CDK19: variants seen among roughly 807,000 people sequenced by gnomAD.
The protein encoded by CDK19 is cyclin-dependent kinase 19.
CDK19 carries 20 observed loss-of-function variants against 68.3 expected under a neutral mutation model. The ratio of observed to expected loss-of-function variants is 0.29; its 90% CI spans 0.21 to 0.43. The LOEUF (loss-of-function observed/expected upper bound fraction) is 0.43. Among genes scored for constraint, CDK19 ranks in the 20% least tolerant of loss-of-function variants. CDK19 has a pLI of 1.00. For synonymous variants in CDK19, 221 were observed against 222.8 expected (o/e 0.99, Z 0.07); for missense variants, 339 against 623.5 (o/e 0.54, Z 4.86).
chr6:110,719,550 T>G (rs1253488594), intron 2 of CDK19, among the ~76,000 whole-genome samples: 1 of 151,966 alleles, frequency 6.6e-6, no homozygotes. Context: ...AATCTAAACA[T>G]ATGAATAAAT....
At chr6:110,763,530 C>T (rs35018670) in intron 1 of CDK19, among the ~76,000 whole-genome samples, 1 of 151,788 alleles carries the variant, frequency 6.6e-6, no homozygotes, top group Non-Finnish European at 1.5e-5. Flanking sequence ...ATTCTCCTGC[C>T]TCAGCCTCCC....
rs1783543239 is a variant in CDK19 at position 110,815,252 on chromosome 6, C to G, written c.-116G>C. The G allele has an allele frequency of 5.9e-6, 7 of 1,186,718 alleles. No homozygotes were observed. The highest frequency in any genetic ancestry group is 3.2e-4 in the Middle Eastern group (1 of 3,130). The allele number at this position is 1,186,718 out of a possible 1,614,324, so 73.5% of individuals were successfully genotyped here. On this transcript the variant is annotated 5_prime_UTR_variant, in exon 1 of 13. Transcript: ENST00000368911. Reference sequence around the variant, plus strand: ...CCAACAGCCGCCTCTCGCGCGCGCGCGCGCGCCGCCCGCCGCCCGCCGCTC... The same window carrying G: ...CCAACAGCCGCCTCTCGCGCGCGCGGGCGCGCCGCCCGCCGCCCGCCGCTC...
intron 2 of CDK19, among the ~76,000 whole-genome samples, chr6:110,694,347 C>A (rs1410092879): frequency 1.3e-5 from 2 of 152,114 alleles, no homozygotes; most frequent in Admixed American, 1.3e-4. Context: ...AACTAGAAGC[C>A]AGCAGGAATA....
chr6:110,787,539 T>A (rs1252082179), intron 1 of CDK19, among the ~76,000 whole-genome samples: 2 of 151,254 alleles, frequency 1.3e-5, no homozygotes, highest in Non-Finnish European at 3.0e-5. Context: ...CTCTACCTCC[T>A]GGGCTTAAGG....
chr6:110,730,130 T>A (rs1016484184), intron 2 of CDK19, among the ~76,000 whole-genome samples: 2 of 152,206 alleles, frequency 1.3e-5, no homozygotes, highest in African/African-American at 4.8e-5. Context: ...CCAGAGCCTA[T>A]CTTGATTGGA....
chr6:110,777,230 T>C (rs923520028), intron 1 of CDK19, among the ~76,000 whole-genome samples: 5 of 152,212 alleles, frequency 3.3e-5, no homozygotes, highest in Admixed American at 2.0e-4. Context: ...AAATGTGATA[T>C]GAAACTAAAA....
rs558371419 is a variant in CDK19 at position 110,804,497 on chromosome 6, G to C, written c.128+10512C>G. On this transcript the variant is annotated intron_variant, in intron 1 of 12. Coordinates refer to ENST00000368911, the MANE Select transcript of CDK19 (RefSeq NM_015076.5). Reference sequence around the variant, plus strand: ...AGCTGGGACTACTCAGGGTAGGTGCGTGCCACCACGCTGGGCTAATTTTTG... The same window carrying C: ...AGCTGGGACTACTCAGGGTAGGTGCCTGCCACCACGCTGGGCTAATTTTTG... 2.6e-5 allele frequency among the ~76,000 whole-genome samples: 4 copies of C among 151,528 alleles called. No homozygotes were observed. The South Asian group carries it at 8.3e-4, about 32-fold the overall frequency.
chr6:110,635,162 T>A (rs1420811632), intron 5 of CDK19, among the ~76,000 whole-genome samples: 1 of 152,136 alleles, frequency 6.6e-6, no homozygotes, highest in African/African-American at 2.4e-5. Flanking sequence ...ACAAACAAGG[T>A]CTACCACTAA....
At chr6:110,794,760 G>A (rs994217674) in intron 1 of CDK19, among the ~76,000 whole-genome samples, 1 of 150,982 alleles carries the variant, frequency 6.6e-6, no homozygotes, top group Non-Finnish European at 1.5e-5. Flanking sequence ...ATGAAACTTT[G>A]TTTATTCTTC....
chr6:110,789,134 T>C (rs1335892658), intron 1 of CDK19, among the ~76,000 whole-genome samples: 1 of 152,202 alleles, frequency 6.6e-6, no homozygotes, highest in Non-Finnish European at 1.5e-5. Context: ...ATGAAATTAT[T>C]ATATTAAGTA....
chr6:110,807,155 A>C (rs1206765451), intron 1 of CDK19, among the ~76,000 whole-genome samples: 1 of 151,734 alleles, frequency 6.6e-6, no homozygotes, highest in Non-Finnish European at 1.5e-5. Flanking sequence ...TAAAAAAAAA[A>C]AAAAAAGCTG....
intron 1 of CDK19, among the ~76,000 whole-genome samples, chr6:110,798,400 G>T (rs974715556): frequency 6.6e-6 from 1 of 152,074 alleles, no homozygotes; most frequent in African/African-American, 2.4e-5. Context: ...CGAGGCAAGT[G>T]GATCACCAGA....
intron 1 of CDK19, among the ~76,000 whole-genome samples, chr6:110,776,365 G>C (rs1388966660): frequency 1.3e-5 from 2 of 151,794 alleles, no homozygotes; most frequent in African/African-American, 4.8e-5. Context: ...GGAGGTGGAG[G>C]TTGCAGTGAG....
chr6:110,667,697 C>T (rs1782029754), intron 3 of CDK19, 123 bp from the exon 4 acceptor site: 4 of 481,768 alleles, frequency 8.3e-6, no homozygotes, highest in Non-Finnish European at 1.4e-5. Flanking sequence ...AATAATGACA[C>T]AAAGAAAAAT....
chr6:110,790,331 TCAAGAC>T (rs1204027337), intron 1 of CDK19, among the ~76,000 whole-genome samples: 2 of 152,140 alleles, frequency 1.3e-5, no homozygotes, highest in East Asian at 3.9e-4. Flanking sequence ...AGGTCTGGAT[TCAAGAC>T]CAGCCTGGCC....
chr6:110,684,460 T>TG (rs1293989300), intron 2 of CDK19, among the ~76,000 whole-genome samples: 4 of 57,176 alleles, frequency 7.0e-5, no homozygotes, highest in Non-Finnish European at 1.5e-4. Context: ...GAATAAGGGG[T>TG]GGGGGACGTG....
intron 4 of CDK19, among the ~76,000 whole-genome samples, chr6:110,641,468 GCAC>G (rs1562149563): frequency 6.6e-6 from 1 of 151,434 alleles, no homozygotes; most frequent in Non-Finnish European, 1.5e-5. Flanking sequence ...ATGGTGGCAG[GCAC>G]CTGTAGTCCC....
At chr6:110,797,332 T>C (rs1313602786) in intron 1 of CDK19, among the ~76,000 whole-genome samples, 1 of 151,960 alleles carries the variant, frequency 6.6e-6, no homozygotes, top group Admixed American at 6.6e-5. Flanking sequence ...AGAGGGAGAC[T>C]TCGTCTCAAA....
chr6:110,645,357 A>C (rs1780485331), intron 4 of CDK19, among the ~76,000 whole-genome samples: 1 of 152,240 alleles, frequency 6.6e-6, no homozygotes, highest in Non-Finnish European at 1.5e-5. Context: ...AAATATTCAG[A>C]ATTGAAATAA....
Sources: gnomAD v4.1 joint callset for allele counts (sites outside exome capture counted in the v4.1 genomes callset) on GRCh38, gnomAD v4.1.1 for gene constraint, MANE v1.5 for transcripts, NCBI Gene and HGNC (gene_info 2026-07-23, HGNC 2026-07-21) for gene names.